Variants in SEZ6 observed in about 807,000 individuals in gnomAD.
The protein encoded by SEZ6 is seizure related 6 homolog.
A neutral mutation model predicts 101.0 loss-of-function variants in SEZ6; 53 were observed. The ratio of observed to expected loss-of-function variants is 0.52; its 90% CI spans 0.42 to 0.66. The LOEUF is 0.66. SEZ6 is among the 30% of genes least tolerant of loss of function. The pLI is 0.00. For missense variants in SEZ6, 1,102 were observed against 1,289.4 expected, an observed-to-expected ratio of 0.85 and a Z score of 2.23; for synonymous variants, 488 against 512.2, an observed-to-expected ratio of 0.95 and a Z score of 0.64.
At chr17:28,983,165 A>G (rs2041334220) in intron 1 of SEZ6, among the ~76,000 whole-genome samples, 1 of 152,256 alleles carries the variant, frequency 6.6e-6, no homozygotes, top group Admixed American at 6.5e-5. Flanking sequence ...CCCTCAGGCA[A>G]ATAACCCAAA....
In SEZ6 at chr17:28,955,671, T is replaced by C. The variant is rs2040866960; in HGVS notation, c.*291A>G. ...AGGCTGGTCCAGGGCATGAGGAGGC[T>C]CAGGATGCTGGCTGTTGATGCTTGT... On this transcript the variant is annotated 3_prime_UTR_variant, in exon 17 of 17. Transcript: ENST00000317338. 1.6e-6 allele frequency: 1 copy of C among 630,234 alleles called. No homozygotes were observed. The highest frequency in any genetic ancestry group is 2.1e-5 in the Admixed American group (1 of 47,542). 39.0% of individuals were successfully genotyped at this position (630,234 alleles called of 1,614,324 possible).
Position 28,959,603 on chromosome 17 carries a change from T to TGA in SEZ6, c.1771+94_1771+95insTC, listed in dbSNP as rs2152683664. 1 of 1,537,300 alleles carries TGA rather than the reference T, an allele frequency of 6.5e-7. No individual in the cohort carries two copies. The highest frequency in any genetic ancestry group is 1.8e-5 in the Admixed American group (1 of 54,254). ...CCTTGGAGGAAGCCTGAACCACGCATATCACAGGGCCCCTGTGGCCCCGGG... is the reference window on the plus strand; with the variant it reads ...CCTTGGAGGAAGCCTGAACCACGCATGAATCACAGGGCCCCTGTGGCCCCGGG... On this transcript the variant is annotated intron_variant, in intron 8 of 16. Transcript: ENST00000317338. The surrounding 1 kb of genome is among the most constrained non-coding windows in gnomAD (Gnocchi z 4.4).
chr17:28,956,778 C>G (rs1409039995), intron 13 of SEZ6, 21 bp from the exon 14 acceptor site: 3 of 1,559,432 alleles, frequency 1.9e-6, no homozygotes, highest in Non-Finnish European at 8.7e-7. Flanking sequence ...AGGGGAGGGC[C>G]AAGGGCAGTG....
chr17:28,983,159 C>G (rs550047645), intron 1 of SEZ6, among the ~76,000 whole-genome samples: 2 of 152,368 alleles, frequency 1.3e-5, no homozygotes, highest in African/African-American at 4.8e-5. Context: ...TGTGTGCCCT[C>G]AGGCAAATAA....
In SEZ6 at chr17:28,958,082, G is replaced by A; in HGVS notation, c.2167C>T (p.Pro723Ser). 1 of 1,611,218 alleles carries A rather than the reference G, an allele frequency of 6.2e-7. No individual in the cohort carries two copies. Among genetic ancestry groups the A allele is most frequent in the Non-Finnish European group, 8.5e-7 (1 of 1,177,674 alleles). ...CCGTGCACTAGCTCAGGCTGCGATG[G>A]GCTCTTCCAGCCATTGGGGATCTCA... ...LPEIPNGWKS[P>S]SQPELVHGTV... The change falls in exon 11 of 17, where the codon CCA becomes TCA. Residue 723 changes from proline to serine, a missense_variant. By Grantham distance (74) the Pro-to-Ser change is moderately conservative. Around this residue, in one of 3 missense-constraint regions of SEZ6, gnomAD observed 556 missense variants for 735.1 expected, o/e 0.76. Transcript: ENST00000317338.
intron 4 of SEZ6, among the ~76,000 whole-genome samples, chr17:28,968,419 C>T (rs1408167914): frequency 2.0e-5 from 3 of 152,190 alleles, no homozygotes; most frequent in Non-Finnish European, 4.4e-5. Flanking sequence ...TTGTCTGGCC[C>T]GACAGAGAGG....
chr17:28,979,825 G>A lies in SEZ6; in HGVS notation c.725-12C>T. 6.2e-7 allele frequency: 1 copy of A among 1,603,288 alleles called. No individual in the cohort carries two copies. The highest frequency in any genetic ancestry group is 1.3e-5 in the African/African-American group (1 of 74,622). On this transcript the variant is annotated splice_polypyrimidine_tract_variant and intron_variant, in intron 2 of 16. Coordinates refer to ENST00000317338, the MANE Select transcript of SEZ6 (RefSeq NM_178860.5). ...CCAGCTACAAGGGCCTGGGAGGCAG[G>A]AGGAGACACAAAGCTAGTGCCAGCT...
chr17:28,981,160 T>A (rs1435620158), intron 2 of SEZ6, among the ~76,000 whole-genome samples: 1 of 152,208 alleles, frequency 6.6e-6, no homozygotes, highest in African/African-American at 2.4e-5. Flanking sequence ...CCTCCCAAAG[T>A]GCTGGGATTA....
chr17:28,994,410 G>C (rs947747910), intron 1 of SEZ6, among the ~76,000 whole-genome samples: 4 of 152,128 alleles, frequency 2.6e-5, no homozygotes, highest in Non-Finnish European at 5.9e-5. Context: ...CGAGTAGGTG[G>C]GAGTACAGGC....
intron 1 of SEZ6, among the ~76,000 whole-genome samples, chr17:28,992,382 G>A (rs916707875): frequency 6.6e-6 from 1 of 152,098 alleles, no homozygotes; most frequent in Non-Finnish European, 1.5e-5. Context: ...GTGGGCGTAC[G>A]TGTGTGCATG....
At chr17:29,004,799 T>C (rs371586598) in intron 1 of SEZ6, among the ~76,000 whole-genome samples, 1 of 152,082 alleles carries the variant, frequency 6.6e-6, no homozygotes, top group Non-Finnish European at 1.5e-5. Context: ...GTAGCTTCCA[T>C]GAGAGCTTGT....
At chr17:28,966,029 G>C (rs1038032983) in intron 4 of SEZ6, among the ~76,000 whole-genome samples, 1 of 151,986 alleles carries the variant, frequency 6.6e-6, no homozygotes, top group East Asian at 1.9e-4. Flanking sequence ...TGTTATCCCA[G>C]CTACTCGGGA....
In SEZ6 at chr17:28,998,923, T is replaced by C. The variant is rs114714716; in HGVS notation, c.55+6892A>G. ...AGTAGCTGGATCATATAGGTGCTGTTTGTCATTTCATCTGTATCTCTTTCT... is the reference window on the plus strand; with the variant it reads ...AGTAGCTGGATCATATAGGTGCTGTCTGTCATTTCATCTGTATCTCTTTCT... On this transcript the variant is annotated intron_variant, in intron 1 of 16. Coordinates refer to ENST00000317338, the MANE Select transcript of SEZ6 (RefSeq NM_178860.5). Among the ~76,000 whole-genome samples, 1,091 of 152,290 alleles carry C rather than the reference T, an allele frequency of 7.2e-3. 13 individuals carry two copies. The highest frequency in any genetic ancestry group is 0.025 in the African/African-American group (1,044 of 41,546).
chr17:28,984,126 ACAC>A (rs1256928813), intron 1 of SEZ6, among the ~76,000 whole-genome samples: 1 of 152,174 alleles, frequency 6.6e-6, no homozygotes, highest in Non-Finnish European at 1.5e-5. Flanking sequence ...GCCACTGACA[ACAC>A]CATCCAATCT....
chr17:28,987,718 G>C (rs2041402635), intron 1 of SEZ6, among the ~76,000 whole-genome samples: 1 of 152,120 alleles, frequency 6.6e-6, no homozygotes, highest in South Asian at 2.1e-4. Context: ...CCCACTGTGT[G>C]CTGACCATGC....
intron 1 of SEZ6, among the ~76,000 whole-genome samples, chr17:29,000,112 T>A (rs753322714): frequency 1.3e-5 from 2 of 152,236 alleles, no homozygotes; most frequent in African/African-American, 4.8e-5. Context: ...TACAAAGCAC[T>A]TCGTACAGCG....
intron 5 of SEZ6, 119 bp downstream of exon 5, chr17:28,963,843 G>T: frequency 1.6e-6 from 2 of 1,221,458 alleles, no homozygotes; most frequent in Non-Finnish European, 2.3e-6. Context: ...GAGGTGCATG[G>T]CCATTTTCTG....
intron 11 of SEZ6, 133 bp from the exon 12 acceptor site, chr17:28,957,672 A>G (rs1278532323): frequency 1.9e-6 from 2 of 1,034,112 alleles, no homozygotes; most frequent in Non-Finnish European, 1.4e-6. Context: ...TGTCCCTACC[A>G]TTATGCTAGT....
chr17:29,002,767 A>G (rs1405509229), intron 1 of SEZ6, among the ~76,000 whole-genome samples: 2 of 152,214 alleles, frequency 1.3e-5, no homozygotes, highest in African/African-American at 4.8e-5. Flanking sequence ...GCACCTACCA[A>G]GGAGTCTGCA....
Sources: gnomAD v4.1 joint callset for allele counts (sites outside exome capture counted in the v4.1 genomes callset) on GRCh38, gnomAD v4.1.1 for gene constraint, gnomAD v4.1.1 regional missense constraint, Gnocchi (gnomAD v3.1) non-coding constraint, MANE v1.5 for transcripts, NCBI Gene and HGNC (gene_info 2026-07-23, HGNC 2026-07-21) for gene names.